The following ITSN2 variants were observed in gnomAD, a reference collection of about 807,000 sequenced individuals.
ITSN2 encodes intersectin-2.
A neutral mutation model predicts 243.7 loss-of-function variants in ITSN2; 156 were observed. That is an observed-to-expected ratio of 0.64 (90% CI 0.56 to 0.73). ITSN2 has a LOEUF of 0.73. ITSN2 is among the 30% of genes least tolerant of loss of function. The pLI is 0.00. For synonymous variants in ITSN2, 703 were observed against 699.9 expected, an observed-to-expected ratio of 1.00 and a Z score of -0.07; for missense variants, 1,801 against 1,996.1, an observed-to-expected ratio of 0.90 and a Z score of 1.86.
chr2:24,213,862 G>A (rs1452963025), intron 32 of ITSN2, among the ~76,000 whole-genome samples: 1 of 152,146 alleles, frequency 6.6e-6, no homozygotes, highest in East Asian at 1.9e-4. Flanking sequence ...ACAAATCGAA[G>A]GGCTCTGTCC....
intron 1 of ITSN2, among the ~76,000 whole-genome samples, chr2:24,337,337 T>TATATATATAC (rs1686540219): frequency 8.9e-6 from 1 of 111,744 alleles, no homozygotes; most frequent in Non-Finnish European, 1.8e-5. Flanking sequence ...TATATATATA[T>TATATATATAC]ATATATATAT....
At chr2:24,214,655 AGATTC>A (rs1294172520) in intron 32 of ITSN2, among the ~76,000 whole-genome samples, 1 of 152,136 alleles carries the variant, frequency 6.6e-6, no homozygotes, top group Non-Finnish European at 1.5e-5. Flanking sequence ...TTTCTCTATT[AGATTC>A]ATCAGTTACA....
chr2:24,252,645 A>G, intron 24 of ITSN2, 134 bp from the exon 25 acceptor site: 1 of 475,018 alleles, frequency 2.1e-6, no homozygotes. Context: ...ACCTAACATA[A>G]AAAGATCTAA....
Position 24,225,719 on chromosome 2 carries a change from C to G in ITSN2, c.3578-4653G>C, listed in dbSNP as rs138807395. On this transcript the variant is annotated intron_variant, in intron 29 of 39. Coordinates refer to ENST00000355123, the MANE Select transcript of ITSN2 (RefSeq NM_006277.3). The surrounding 1 kb of genome is among the most constrained non-coding windows in gnomAD (Gnocchi z 4.2). ...AATGCTGCAGGCTGTATATCTCACT[C>G]GCAGGGCCCCAGTGCACATTAGCCT... is the stretch of plus-strand genomic sequence containing the variant. 6.6e-6 allele frequency among the ~76,000 whole-genome samples: 1 copy of G among 152,158 alleles called. No homozygotes were observed. The highest frequency in any genetic ancestry group is 1.5e-5 in the Non-Finnish European group (1 of 68,028).
chr2:24,212,977 G>C (rs930481060), intron 32 of ITSN2, among the ~76,000 whole-genome samples: 4 of 152,106 alleles, frequency 2.6e-5, no homozygotes, highest in African/African-American at 9.7e-5. Context: ...ATGTCGCACT[G>C]TAGTAAAGTG....
At chr2:24,206,327 T>C in intron 37 of ITSN2, 1 of 392,000 alleles carries the variant, frequency 2.6e-6, no homozygotes, top group East Asian at 9.7e-5. Context: ...AGGAAGCTGG[T>C]GGGAGGCCCA....
Position 24,312,204 on chromosome 2 carries a change from ATACT to A in ITSN2, c.352+4_352+7del. 6.2e-7 allele frequency: 1 copy of A among 1,600,298 alleles called. No homozygotes were observed. The highest frequency in any genetic ancestry group is 8.5e-7 in the Non-Finnish European group (1 of 1,172,286). On this transcript the variant is annotated splice_donor_5th_base_variant and intron_variant, in intron 5 of 39. Coordinates refer to ENST00000355123, the MANE Select transcript of ITSN2 (RefSeq NM_006277.3). Reference sequence around the variant, plus strand: ...CAAATACAGGTATTTAAATTAATACATACTTACCAAAACGAGCAGAAATTAATGG... The same window carrying A: ...CAAATACAGGTATTTAAATTAATACATACCAAAACGAGCAGAAATTAATGG...
intron 13 of ITSN2, among the ~76,000 whole-genome samples, chr2:24,296,510 A>G (rs1162051182): frequency 1.3e-5 from 2 of 152,182 alleles, no homozygotes; most frequent in South Asian, 2.1e-4. Context: ...CCCTAATCCA[A>G]TCTAACTGGT....
chr2:24,207,684 G>C (rs1359792590), intron 37 of ITSN2, among the ~76,000 whole-genome samples: 1 of 152,004 alleles, frequency 6.6e-6, no homozygotes, highest in Non-Finnish European at 1.5e-5. Context: ...GGGAAAGTGA[G>C]CTGAGCCACT....
rs188420104 is a variant in ITSN2 at position 24,271,760 on chromosome 2, C to T, written c.2257+6G>A. On this transcript the variant is annotated splice_donor_region_variant and intron_variant, in intron 19 of 39. Transcript: ENST00000355123. Reference sequence around the variant, plus strand: ...TTCTACTGTCTCAAAGTATCCTTATCCTTACGTTTTTTCTCCTCAGCTTTC... The same window carrying T: ...TTCTACTGTCTCAAAGTATCCTTATTCTTACGTTTTTTCTCCTCAGCTTTC... 3 of 1,575,126 alleles carry T rather than the reference C, an allele frequency of 1.9e-6. No homozygotes were observed. The Admixed American group carries it at 5.8e-5, about 30-fold the overall frequency.
intron 36 of ITSN2, among the ~76,000 whole-genome samples, chr2:24,208,673 C>T (rs955920759): frequency 2.0e-5 from 3 of 152,162 alleles, no homozygotes; most frequent in Admixed American, 6.5e-5. Flanking sequence ...GGAGCTGCAG[C>T]CTGAAGGAAG....
Position 24,248,748 on chromosome 2 carries a change from TCTCTGAAAAGACAAAGAAGAAA to T in ITSN2, c.3167-20_3168del. On this transcript the variant is annotated splice_acceptor_variant and splice_polypyrimidine_tract_variant and coding_sequence_variant and intron_variant, in exon 27 of 40. Transcript: ENST00000355123. LOFTEE classifies it high-confidence loss of function. ...ACATATGCTGAAGTTACCTGAGCAA[TCTCTGAAAAGACAAAGAAGAAA>T]CTATGAATTCAAGATTGCGACAGAG... 1 of 1,613,256 alleles carries T rather than the reference TCTCTGAAAAGACAAAGAAGAAA, an allele frequency of 6.2e-7. No individual in the cohort carries two copies. Among genetic ancestry groups the T allele is most frequent in the Non-Finnish European group, 8.5e-7 (1 of 1,179,702 alleles).
intron 1 of ITSN2, among the ~76,000 whole-genome samples, chr2:24,339,339 T>A (rs1574370127): frequency 6.6e-6 from 1 of 151,624 alleles, no homozygotes; most frequent in Non-Finnish European, 1.5e-5. Context: ...GGTGTGGCGG[T>A]GCATGCCTGT....
At chr2:24,288,277 T>G (rs1679774088) in intron 15 of ITSN2, among the ~76,000 whole-genome samples, 1 of 152,148 alleles carries the variant, frequency 6.6e-6, no homozygotes, top group Non-Finnish European at 1.5e-5. Context: ...GAGGCTACCT[T>G]TTCCCATTGT....
chr2:24,236,388 T>C (rs1672153610), intron 29 of ITSN2, among the ~76,000 whole-genome samples: 1 of 152,196 alleles, frequency 6.6e-6, no homozygotes, highest in Non-Finnish European at 1.5e-5. Flanking sequence ...TGTACAGAGA[T>C]TCATTTTGAG....
rs1347631537 is a variant in ITSN2, at chr2:24,314,631, T to C, written c.124+501A>G. Among the ~76,000 whole-genome samples the C allele has an allele frequency of 3.9e-5, 6 of 152,198 alleles. No homozygotes were observed. The East Asian group carries it at 9.6e-4, about 24-fold the overall frequency. ...TATTGTATGTAAAGCACTAAGCTAC[T>C]TTGGCACAGAAAAAAGTTTAATTAA... On this transcript the variant is annotated intron_variant, in intron 3 of 39. Transcript: ENST00000355123.
rs755260390 is a variant in ITSN2, at chr2:24,209,993, CG to C, written c.4297del (p.Arg1433GlyfsTer63). On this transcript the variant is annotated frameshift_variant, in exon 35 of 40. Coordinates refer to ENST00000355123, the MANE Select transcript of ITSN2 (RefSeq NM_006277.3). LOFTEE classifies it high-confidence loss of function. The stretch of plus-strand genomic sequence containing the variant: ...TAATTTCCCACTGTGTAAGAGCTTC[CG>C]GGGCCCCAGGCAGTTGGTGAGAGAG... Reference protein sequence around the residue: ...FNSLTNCLGPRKLLHSGKLYK... With the variant: ...FNSLTNCLGPXKLLHSGKLYK... 2 of 1,613,970 alleles carry C rather than the reference CG, an allele frequency of 1.2e-6. No homozygotes were observed. Among genetic ancestry groups the C allele is most frequent in the Non-Finnish European group, 1.7e-6 (2 of 1,179,930 alleles).
chr2:24,209,738 A>G, intron 35 of ITSN2, 80 bp downstream of exon 35: 1 of 1,127,562 alleles, frequency 8.9e-7, no homozygotes, highest in South Asian at 1.3e-5. Flanking sequence ...AGGCCAGCTC[A>G]GGGTCTGCCA....
At chr2:24,332,965 C>T (rs1685952387) in intron 1 of ITSN2, among the ~76,000 whole-genome samples, 1 of 152,194 alleles carries the variant, frequency 6.6e-6, no homozygotes, top group African/African-American at 2.4e-5. Flanking sequence ...CACTGACAAG[C>T]TTGTAGACTT....
Sources: allele counts gnomAD v4.1 joint callset (sites outside exome capture counted in the v4.1 genomes callset), GRCh38; gene constraint gnomAD v4.1.1; non-coding constraint Gnocchi (gnomAD v3.1); transcripts MANE v1.5; gene names NCBI Gene and HGNC (gene_info 2026-07-23, HGNC 2026-07-21).